CSNK1G1: variants seen among roughly 807,000 people sequenced by gnomAD.
CSNK1G1 encodes casein kinase 1 gamma 1, also known as casein kinase I isoform gamma-1.
CSNK1G1 carries 22 observed loss-of-function variants against 59.6 expected under a neutral mutation model. The ratio of observed to expected loss-of-function variants is 0.37; its 90% CI spans 0.26 to 0.53. The LOEUF (loss-of-function observed/expected upper bound fraction) is 0.53. Among genes scored for constraint, CSNK1G1 ranks in the 20% least tolerant of loss-of-function variants. The probability of loss-of-function intolerance (pLI) is 0.89; values close to 1 mark genes in which losing one functional copy is unlikely to be tolerated. For missense variants in CSNK1G1, 384 were observed against 519.5 expected (o/e 0.74, Z 2.54); for synonymous variants, 179 against 177.1 (o/e 1.01, Z -0.08).
chr15:64,230,068 T>C (rs1270929885), intron 4 of CSNK1G1, among the ~76,000 whole-genome samples: 1 of 151,242 alleles, frequency 6.6e-6, no homozygotes, highest in African/African-American at 2.4e-5. Context: ...ATTACAAGCA[T>C]GCGCCACCGT....
intron 4 of CSNK1G1, among the ~76,000 whole-genome samples, chr15:64,229,545 T>C (rs1290871818): frequency 6.6e-6 from 1 of 151,976 alleles, no homozygotes; most frequent in Non-Finnish European, 1.5e-5. Flanking sequence ...TCTCTCTCTC[T>C]CTCTCTCCCT....
intron 2 of CSNK1G1, among the ~76,000 whole-genome samples, chr15:64,259,483 TAC>T (rs59936401): frequency 0.087 from 12,153 of 139,596 alleles, 548 homozygotes; most frequent in South Asian, 0.12. Context: ...AAATCTCTCT[TAC>T]ACACACACAC....
At chr15:64,352,447 CTTTTT>C (rs1165768581) in intron 1 of CSNK1G1, among the ~76,000 whole-genome samples, 2 of 89,412 alleles carry the variant, frequency 2.2e-5, no homozygotes, top group Admixed American at 1.5e-4. Flanking sequence ...TTGAATTCTT[CTTTTT>C]TTTTTTTTTT....
At chr15:64,304,757 C>T (rs1027928024) in intron 1 of CSNK1G1, among the ~76,000 whole-genome samples, 2 of 152,102 alleles carry the variant, frequency 1.3e-5, no homozygotes, top group Admixed American at 1.3e-4. Flanking sequence ...AGTCAAAACA[C>T]CCTGGGTTTT....
chr15:64,207,510 T>A lies in CSNK1G1; in HGVS notation c.764A>T (p.Lys255Met). Residue 255 changes from lysine (K) to methionine (M), a missense_variant and splice_region_variant, in exon 7 of 12, where the codon AAG becomes ATG. Transcript: ENST00000303052. ...LRGSLPWQGL[K>M]ADTLKERYQK... is the part of the protein sequence containing the mutation. ...TCCACTGAACACTTTCAAGGATACC[T>A]TGAGTCCTTGCCAGGGGAGGCTGCC... 1 of 1,608,832 alleles carries A rather than the reference T, an allele frequency of 6.2e-7. No individual in the cohort carries two copies. The highest frequency in any genetic ancestry group is 8.5e-7 in the Non-Finnish European group (1 of 1,175,204).
At chr15:64,186,693 A>T (rs1286932648) in intron 10 of CSNK1G1, among the ~76,000 whole-genome samples, 1 of 152,158 alleles carries the variant, frequency 6.6e-6, no homozygotes, top group Non-Finnish European at 1.5e-5. Context: ...TGTTTTGTGT[A>T]GAGACAATAT....
intron 4 of CSNK1G1, among the ~76,000 whole-genome samples, chr15:64,231,593 G>A (rs1365058038): frequency 6.6e-6 from 1 of 151,634 alleles, no homozygotes; most frequent in African/African-American, 2.4e-5. Context: ...AGACATAGCA[G>A]CCTCTGGGAC....
At chr15:64,201,038 G>A (rs992643249) in intron 10 of CSNK1G1, among the ~76,000 whole-genome samples, 4 of 152,078 alleles carry the variant, frequency 2.6e-5, no homozygotes, top group Admixed American at 6.6e-5. Context: ...TTGGGAGGCC[G>A]AGGCAGGTGG....
At chr15:64,241,272 T>C (rs1468176687) in intron 4 of CSNK1G1, among the ~76,000 whole-genome samples, 2 of 152,154 alleles carry the variant, frequency 1.3e-5, no homozygotes, top group Non-Finnish European at 2.9e-5. Context: ...AGAAGGTAAT[T>C]ATACAATGTT....
chr15:64,242,606 A>G (rs975056013), intron 4 of CSNK1G1, among the ~76,000 whole-genome samples: 2 of 152,214 alleles, frequency 1.3e-5, no homozygotes, highest in Non-Finnish European at 2.9e-5. Context: ...ATTTCCTCAT[A>G]GCAATGCAAG....
In CSNK1G1 at chr15:64,272,407, C is replaced by T. The variant is rs150728687; in HGVS notation, c.182-13166G>A. Among the ~76,000 whole-genome samples, 1,273 of 152,006 alleles carry T rather than the reference C, an allele frequency of 8.4e-3. 18 individuals carry two copies. Among genetic ancestry groups the T allele is most frequent in the African/African-American group, 0.029 (1,195 of 41,458 alleles). ...ATTTTTTTGTATTTTTTAGTAGAGA[C>T]GGGGTTTCACCGTGTTAGCCAGGAT... On this transcript the variant is annotated intron_variant, in intron 2 of 11. Coordinates refer to ENST00000303052, the MANE Select transcript of CSNK1G1 (RefSeq NM_022048.5).
At chr15:64,306,662 A>G (rs1255239017) in intron 1 of CSNK1G1, among the ~76,000 whole-genome samples, 1 of 152,194 alleles carries the variant, frequency 6.6e-6, no homozygotes, top group Non-Finnish European at 1.5e-5. Context: ...ACTTAAGTCC[A>G]CACAAAAACC....
chr15:64,277,918 A>G (rs972487949), intron 2 of CSNK1G1, among the ~76,000 whole-genome samples: 2 of 143,704 alleles, frequency 1.4e-5, no homozygotes, highest in Admixed American at 7.2e-5. Context: ...ATTTAATAAT[A>G]ATATTGATAT....
chr15:64,259,078 TACACAAAAAAA>T, intron 3 of CSNK1G1, 112 bp downstream of exon 3: 1 of 709,702 alleles, frequency 1.4e-6, no homozygotes, highest in Admixed American at 3.0e-5. Context: ...TGTGGGATCA[TACACAAAAAAA>T]ACCCCAAACC....
chr15:64,181,245 T>TGTAA, intron 10 of CSNK1G1: 1 of 1,535,848 alleles, frequency 6.5e-7, no homozygotes, highest in Non-Finnish European at 8.7e-7. Context: ...GTCCCCGAAA[T>TGTAA]GTAAGTGAAG....
At chr15:64,190,442 T>C (rs1050027162) in intron 10 of CSNK1G1, among the ~76,000 whole-genome samples, 1 of 152,190 alleles carries the variant, frequency 6.6e-6, no homozygotes, top group Admixed American at 6.5e-5. Context: ...GAGATAGAGT[T>C]TCACTCTTGT....
At chr15:64,206,207 C>A (rs368108659) in intron 7 of CSNK1G1, among the ~76,000 whole-genome samples, 16 of 151,746 alleles carry the variant, frequency 1.1e-4, no homozygotes, top group Admixed American at 2.0e-4. Context: ...TTTGGGAGGC[C>A]GAGGCAGGCG....
At position 64,180,430 on chromosome 15, in the gene CSNK1G1, G is replaced by C; in HGVS notation, c.1132C>G (p.Leu378Val). ...NQVVSSTNGE[L>V]NVDDPTGAHS... ...GCTCCCGTGGGATCATCAACATTCA[G>C]CTCTCCATTGGTTGAGCTAACCACC... is the stretch of plus-strand genomic sequence containing the variant. Residue 378 changes from leucine (L) to valine (V), a missense_variant, in exon 11 of 12, where the codon CTG becomes GTG. This residue lies in a region of CSNK1G1 where 325 missense variants were observed against 440.9 expected (regional missense o/e 0.74). Transcript: ENST00000303052. 6.2e-7 allele frequency: 1 copy of C among 1,614,014 alleles called. No homozygotes were observed. The highest frequency in any genetic ancestry group is 1.1e-5 in the South Asian group (1 of 91,084).
intron 1 of CSNK1G1, among the ~76,000 whole-genome samples, chr15:64,341,456 G>A (rs1897676652): frequency 6.6e-6 from 1 of 152,098 alleles, no homozygotes; most frequent in Non-Finnish European, 1.5e-5. Context: ...TTATTAAACT[G>A]TCATTTATTT....
Sources: gnomAD v4.1 joint callset for allele counts (sites outside exome capture counted in the v4.1 genomes callset) on GRCh38, gnomAD v4.1.1 for gene constraint, gnomAD v4.1.1 regional missense constraint, MANE v1.5 for transcripts, NCBI Gene and HGNC (gene_info 2026-07-23, HGNC 2026-07-21) for gene names.